Variants in SSU72 observed in about 807,000 individuals in gnomAD.
SSU72 encodes SSU72 homolog, RNA polymerase II CTD phosphatase.
Under a neutral mutation model 22.7 loss-of-function variants are expected in SSU72, and 12 were observed. The ratio of observed to expected loss-of-function variants is 0.53; its 90% CI spans 0.34 to 0.86. SSU72 has a LOEUF of 0.86. Ranked by LOEUF, SSU72 falls within the 40% of genes least tolerant of loss-of-function variation. SSU72 has a pLI of 0.02. For missense variants in SSU72, 151 were observed against 249.8 expected (o/e 0.60, Z 2.67); for synonymous variants, 116 against 98.3 (o/e 1.18, Z -1.06).
intron 1 of SSU72, among the ~76,000 whole-genome samples, chr1:1,572,643 G>A (rs911087959): frequency 3.3e-5 from 5 of 150,686 alleles, no homozygotes; most frequent in African/African-American, 7.3e-5. Context: ...ATTTTCAGTA[G>A]AGACGGGGTT....
chr1:1,558,711 T>C (rs1642550079), intron 2 of SSU72, among the ~76,000 whole-genome samples: 3 of 114,250 alleles, frequency 2.6e-5, no homozygotes, highest in Admixed American at 2.6e-4. Flanking sequence ...TGTGGCTGAA[T>C]GGGCTTCCCT....
chr1:1,565,323 A>C (rs966187834), intron 1 of SSU72, among the ~76,000 whole-genome samples: 1 of 152,230 alleles, frequency 6.6e-6, no homozygotes, highest in Non-Finnish European at 1.5e-5. Flanking sequence ...CAGTGAGCAG[A>C]GATAGCACCA....
intron 2 of SSU72, among the ~76,000 whole-genome samples, chr1:1,551,865 C>G (rs9439448): frequency 9.2e-5 from 14 of 152,338 alleles, no homozygotes; most frequent in African/African-American, 3.4e-4. Context: ...CGGGCCACCA[C>G]TACCTTTCCC....
At chr1:1,565,079 C>T (rs1336608418) in intron 1 of SSU72, among the ~76,000 whole-genome samples, 163 bp from the exon 2 acceptor site, 1 of 152,172 alleles carries the variant, frequency 6.6e-6, no homozygotes, top group Non-Finnish European at 1.5e-5. Flanking sequence ...GTGGCTCGCG[C>T]CTGTAATCCC....
intron 2 of SSU72, among the ~76,000 whole-genome samples, chr1:1,549,514 G>A (rs1345854782): frequency 1.4e-5 from 2 of 144,552 alleles, no homozygotes; most frequent in African/African-American, 5.3e-5. Flanking sequence ...GCGAGACTCT[G>A]TCTCAAAAAA....
rs1032993345 is a variant in SSU72, at chr1:1,542,580, C to G, written c.484-413G>C. The stretch of plus-strand genomic sequence containing the variant: ...GCATCCTGGCCTCCATCCACCAGAG[C>G]CCCTGGCAGAGGGCCGCTGCCCCAG... On this transcript the variant is annotated intron_variant, in intron 4 of 4. Transcript: ENST00000291386. The surrounding 1 kb of genome is among the most constrained non-coding windows in gnomAD (Gnocchi z 4.4). Among the ~76,000 whole-genome samples, 4 of 152,162 alleles carry G rather than the reference C, an allele frequency of 2.6e-5. No homozygotes were observed. Among genetic ancestry groups the G allele is most frequent in the Admixed American group, 2.6e-4 (4 of 15,266 alleles).
In SSU72 at chr1:1,574,738, G is replaced by C; in HGVS notation, c.-181C>G. On this transcript the variant is annotated 5_prime_UTR_variant, in exon 1 of 5. Coordinates refer to ENST00000291386, the MANE Select transcript of SSU72 (RefSeq NM_014188.3). ...CCGCCCACCCTGGGCGCCGGGCCGC[G>C]GACGGAGCGCAGGCACTGGCCTTCG... is the stretch of plus-strand genomic sequence containing the variant. The C allele has an allele frequency of 7.0e-6, 3 of 430,210 alleles. No homozygotes were observed. Among genetic ancestry groups the C allele is most frequent in the Non-Finnish European group, 1.1e-5 (3 of 265,990 alleles). 26.6% of individuals were successfully genotyped at this position (430,210 alleles called of 1,614,324 possible).
intron 2 of SSU72, among the ~76,000 whole-genome samples, chr1:1,546,902 C>G (rs564457965): frequency 1.6e-5 from 2 of 121,260 alleles, no homozygotes; most frequent in African/African-American, 3.0e-5. Flanking sequence ...CGCGGTGGCT[C>G]ACACCTGTAA....
chr1:1,544,571 TTG>T (rs1642368669), intron 3 of SSU72: 2 of 442,368 alleles, frequency 4.5e-6, no homozygotes, highest in Admixed American at 3.5e-5. Context: ...TGAGCCTAGA[TTG>T]TACCACTGCA....
chr1:1,560,181 GA>G (rs1642570908), intron 2 of SSU72, among the ~76,000 whole-genome samples: 1 of 152,000 alleles, frequency 6.6e-6, no homozygotes, highest in Non-Finnish European at 1.5e-5. Flanking sequence ...ATTCCCAAAA[GA>G]AAATGTGGAT....
intron 1 of SSU72, among the ~76,000 whole-genome samples, chr1:1,571,356 G>A (rs548459208): frequency 2.0e-5 from 3 of 149,742 alleles, no homozygotes; most frequent in Non-Finnish European, 3.0e-5. Flanking sequence ...GCTTCAACCT[G>A]GGATGCAGAG....
chr1:1,564,378 T>C, intron 2 of SSU72: 2 of 1,220,762 alleles, frequency 1.6e-6, no homozygotes, highest in Non-Finnish European at 2.2e-6. Flanking sequence ...CGGCTCCATG[T>C]GTATCAGGCA....
At chr1:1,563,267 C>A (rs776681467) in intron 2 of SSU72, 5 of 152,240 alleles carry the variant, frequency 3.3e-5, no homozygotes, top group Non-Finnish European at 7.3e-5. Context: ...GGCATGGTGG[C>A]TCACGCCTGT....
At chr1:1,563,356 A>T (rs531072798) in intron 2 of SSU72, 2 of 151,314 alleles carry the variant, frequency 1.3e-5, no homozygotes, top group Non-Finnish European at 2.9e-5. Flanking sequence ...AGATGGTGAA[A>T]CCCCCGTCTC....
chr1:1,564,513 C>T (rs1196935727), intron 2 of SSU72: 2 of 1,522,218 alleles, frequency 1.3e-6, no homozygotes, highest in Admixed American at 2.0e-5. Context: ...TACGCTATGT[C>T]ACGACCCTCT....
At chr1:1,549,104 AG>A (rs1642426120) in intron 2 of SSU72, among the ~76,000 whole-genome samples, 2 of 152,194 alleles carry the variant, frequency 1.3e-5, no homozygotes, top group Admixed American at 6.5e-5. Flanking sequence ...CTCATGCAAC[AG>A]AAAGTGTCAT....
chr1:1,560,155 T>C (rs1264182161), intron 2 of SSU72, among the ~76,000 whole-genome samples: 1 of 151,992 alleles, frequency 6.6e-6, no homozygotes, highest in African/African-American at 2.4e-5. Flanking sequence ...TCCAGCCCCA[T>C]GTATGTATAC....
rs1199044410 is a variant in SSU72 at position 1,554,914 on chromosome 1, G to A, written c.224+9859C>T. ...CCTTTGCAAACCGTGGCTGGCAGCA[G>A]AGACTTCCTTGACGTCAAGTCTCCT... On this transcript the variant is annotated intron_variant, in intron 2 of 4. Coordinates refer to ENST00000291386, the MANE Select transcript of SSU72 (RefSeq NM_014188.3). This position sits in a 1 kb window ranked among gnomAD's most constrained non-coding sequence, Gnocchi z 4.1. 6.6e-6 allele frequency among the ~76,000 whole-genome samples: 1 copy of A among 152,150 alleles called. No individual in the cohort carries two copies. Among genetic ancestry groups the A allele is most frequent in the African/African-American group, 2.4e-5 (1 of 41,438 alleles).
At chr1:1,549,098 T>A (rs953939058) in intron 2 of SSU72, among the ~76,000 whole-genome samples, 4 of 152,220 alleles carry the variant, frequency 2.6e-5, no homozygotes, top group African/African-American at 9.6e-5. Flanking sequence ...TATTGTCTCA[T>A]GCAACAGAAA....
Sources: gnomAD v4.1 joint callset for allele counts (sites outside exome capture counted in the v4.1 genomes callset) on GRCh38, gnomAD v4.1.1 for gene constraint, Gnocchi (gnomAD v3.1) non-coding constraint, MANE v1.5 for transcripts, NCBI Gene and HGNC (gene_info 2026-07-23, HGNC 2026-07-21) for gene names.